The following ETV6 variants were observed in gnomAD, a reference collection of about 807,000 sequenced individuals.
ETV6 encodes ETS variant transcription factor 6.
ETV6 carries 16 observed loss-of-function variants against 51.1 expected under a neutral mutation model. The ratio of observed to expected loss-of-function variants is 0.31; its 90% CI spans 0.21 to 0.48. The LOEUF (loss-of-function observed/expected upper bound fraction) is 0.48. Among genes scored for constraint, ETV6 ranks in the 20% least tolerant of loss-of-function variants. ETV6 has a pLI of 0.99. For synonymous variants in ETV6, 240 were observed against 224.1 expected (o/e 1.07, Z -0.64); for missense variants, 458 against 594.8 (o/e 0.77, Z 2.39).
At chr12:11,847,671 G>C (rs1187681143) in intron 3 of ETV6, among the ~76,000 whole-genome samples, 1 of 152,220 alleles carries the variant, frequency 6.6e-6, no homozygotes, top group Non-Finnish European at 1.5e-5. Context: ...TTTGACAACA[G>C]GGAGGTGACC....
intron 1 of ETV6, among the ~76,000 whole-genome samples, chr12:11,663,553 C>T (rs150334774): frequency 8.5e-5 from 13 of 152,250 alleles, no homozygotes; most frequent in South Asian, 4.1e-4. Context: ...CTTGTTGTGG[C>T]GAAGAAACCT....
intron 1 of ETV6, chr12:11,751,907 T>C (rs1866037103): frequency 2.1e-6 from 1 of 469,298 alleles, no homozygotes; most frequent in Middle Eastern, 3.4e-4. Flanking sequence ...AGGTGGACAA[T>C]AGAAAAATCT....
chr12:11,674,615 T>TTGTGTGTGTGTGTGTG lies in ETV6; in HGVS notation c.33+24487_33+24502dup, dbSNP rs5796457. ...CCATAGGGGTTAATGTAGGGGTTAT[T>TTGTGTGTGTGTGTGTG]TGTGTGTGTGTGTGTGTGTGTGTGT... On this transcript the variant is annotated intron_variant, in intron 1 of 7. Transcript: ENST00000396373. 2.3e-4 allele frequency among the ~76,000 whole-genome samples: 30 copies of TTGTGTGTGTGTGTGTG among 133,234 alleles called. 1 individual carries two copies. Among genetic ancestry groups the TTGTGTGTGTGTGTGTG allele is most frequent in the Middle Eastern group, 3.7e-3 (1 of 270 alleles). The allele number at this position is 133,234 out of a possible 152,430, so 87.4% of individuals were successfully genotyped here.
At chr12:11,838,185 A>G (rs1946342745) in intron 2 of ETV6, among the ~76,000 whole-genome samples, 1 of 152,168 alleles carries the variant, frequency 6.6e-6, no homozygotes, top group African/African-American at 2.4e-5. Context: ...ATTCCACCTA[A>G]GAAAGAATGA....
chr12:11,769,806 G>T (rs60956451), intron 2 of ETV6, among the ~76,000 whole-genome samples: 1 of 152,186 alleles, frequency 6.6e-6, no homozygotes, highest in African/African-American at 2.4e-5. Flanking sequence ...TATTTACTTC[G>T]TTTGGAAGTA....
chr12:11,888,618 G>A (rs140006642), intron 7 of ETV6, among the ~76,000 whole-genome samples: 19 of 152,234 alleles, frequency 1.2e-4, no homozygotes, highest in African/African-American at 3.6e-4. Flanking sequence ...GGCCACTCTT[G>A]TCTCAAACTC....
At chr12:11,851,112 G>T (rs1946546946) in intron 3 of ETV6, among the ~76,000 whole-genome samples, 1 of 152,072 alleles carries the variant, frequency 6.6e-6, no homozygotes. Context: ...CACCTCTGCA[G>T]TCAGCACCTC....
intron 1 of ETV6, among the ~76,000 whole-genome samples, chr12:11,650,489 AAAAAAACAAAAAAC>A (rs1271598351): frequency 7.4e-5 from 5 of 67,434 alleles, no homozygotes; most frequent in East Asian, 4.2e-4. Flanking sequence ...CTTAAAAAAA[AAAAAAACAAAAAAC>A]AAAAAAAAAA....
intron 1 of ETV6, among the ~76,000 whole-genome samples, chr12:11,656,128 A>G (rs1200292067): frequency 6.6e-6 from 1 of 151,916 alleles, no homozygotes. Flanking sequence ...GCTGTTTTAT[A>G]TACATTATAT....
chr12:11,824,651 T>G (rs1037602187), intron 2 of ETV6, among the ~76,000 whole-genome samples: 1 of 152,144 alleles, frequency 6.6e-6, no homozygotes, highest in Non-Finnish European at 1.5e-5. Flanking sequence ...TGGTGATGCA[T>G]GCCTGTAATC....
At chr12:11,702,271 A>G (rs931235116) in intron 1 of ETV6, among the ~76,000 whole-genome samples, 1 of 152,142 alleles carries the variant, frequency 6.6e-6, no homozygotes, top group African/African-American at 2.4e-5. Context: ...AGTTTGTTGG[A>G]CTGCTCCCAC....
At chr12:11,829,504 A>G (rs1311773860) in intron 2 of ETV6, among the ~76,000 whole-genome samples, 1 of 152,224 alleles carries the variant, frequency 6.6e-6, no homozygotes, top group Non-Finnish European at 1.5e-5. Flanking sequence ...CTAAAATGCT[A>G]CATGGCTCTC....
At chr12:11,797,649 C>G (rs935113891) in intron 2 of ETV6, among the ~76,000 whole-genome samples, 2 of 152,094 alleles carry the variant, frequency 1.3e-5, no homozygotes, top group Admixed American at 1.3e-4. Context: ...TCCCAAGCTT[C>G]CTCTTGATAA....
intron 1 of ETV6, among the ~76,000 whole-genome samples, chr12:11,751,037 T>C (rs1866015967): frequency 6.6e-6 from 1 of 152,142 alleles, no homozygotes; most frequent in African/African-American, 2.4e-5. Context: ...CCTCAGGATG[T>C]ATGTTTAAAC....
intron 2 of ETV6, among the ~76,000 whole-genome samples, chr12:11,792,626 G>T (rs555098244): frequency 6.6e-6 from 1 of 151,780 alleles, no homozygotes; most frequent in South Asian, 2.1e-4. Flanking sequence ...GGTGGAGGTT[G>T]TAGTGAGCTG....
At chr12:11,745,995 T>C (rs1305957792) in intron 1 of ETV6, among the ~76,000 whole-genome samples, 1 of 152,166 alleles carries the variant, frequency 6.6e-6, no homozygotes, top group Non-Finnish European at 1.5e-5. Context: ...ATGAGAACTT[T>C]TCTCATACAT....
chr12:11,886,724 T>C (rs1398515644), intron 7 of ETV6, among the ~76,000 whole-genome samples: 14 of 152,270 alleles, frequency 9.2e-5, no homozygotes, highest in South Asian at 4.1e-4. Flanking sequence ...ACCACATAGA[T>C]TGTAATTCCA....
chr12:11,672,930 T>A lies in ETV6; in HGVS notation c.33+22770T>A, dbSNP rs927280405. ...ACCCTGAATTAGCCAAGAGCAAAAG[T>A]TATCGCCATCCTACTGCTCTGGGAA... On this transcript the variant is annotated intron_variant, in intron 1 of 7. Coordinates refer to ENST00000396373, the MANE Select transcript of ETV6 (RefSeq NM_001987.5). 1.2e-4 allele frequency among the ~76,000 whole-genome samples: 19 copies of A among 152,208 alleles called. 1 individual carries two copies. Among genetic ancestry groups the A allele is most frequent in the Admixed American group, 1.1e-3 (17 of 15,274 alleles).
At chr12:11,885,876 T>G in intron 6 of ETV6, 50 bp from the exon 7 acceptor site, 1 of 1,389,604 alleles carries the variant, frequency 7.2e-7, no homozygotes, top group East Asian at 2.3e-5. Context: ...TGAGGTTCAT[T>G]TCATTGTGTC....
Sources: gnomAD v4.1 joint callset for allele counts (sites outside exome capture counted in the v4.1 genomes callset) on GRCh38, gnomAD v4.1.1 for gene constraint, MANE v1.5 for transcripts, NCBI Gene and HGNC (gene_info 2026-07-23, HGNC 2026-07-21) for gene names.